The following MKNK1 variants were observed in gnomAD, a reference collection of about 807,000 sequenced individuals.
MKNK1 encodes MAPK interacting serine/threonine kinase 1.
Under a neutral mutation model 49.3 loss-of-function variants are expected in MKNK1, and 30 were observed. The ratio of observed to expected loss-of-function variants is 0.61; its 90% CI spans 0.46 to 0.83. The LOEUF (loss-of-function observed/expected upper bound fraction) is 0.83, where lower values mean the gene tolerates loss of function less well. MKNK1 is among the 40% of genes least tolerant of loss of function. MKNK1 has a pLI of 0.00. For missense variants in MKNK1, 423 were observed against 524.7 expected (o/e 0.81, Z 1.89); for synonymous variants, 176 against 201.7 (o/e 0.87, Z 1.08).
At position 46,580,334 on chromosome 1, in the gene MKNK1, CA is replaced by C. The variant is rs1209427154; in HGVS notation, c.198+195del. 3 of 574,846 alleles carry C rather than the reference CA, an allele frequency of 5.2e-6. No homozygotes were observed. The African/African-American group carries it at 5.6e-5, about 11-fold the overall frequency. 35.6% of individuals were successfully genotyped at this position (574,846 alleles called of 1,614,324 possible). A position where few individuals can be genotyped will look rare whatever the true frequency, so the allele number is the denominator to read the frequency against. ...AGGTTCTAGTATTATACCCATTTTA[CA>C]GATGAGAAAACTGAAGGACAGAGAA... On this transcript the variant is annotated intron_variant, in intron 4 of 12. Transcript: ENST00000371945.
chr1:46,590,305 T>C (rs1446876930), intron 2 of MKNK1, among the ~76,000 whole-genome samples: 1 of 152,062 alleles, frequency 6.6e-6, no homozygotes, highest in African/African-American at 2.4e-5. Context: ...CCCCAGAACA[T>C]TTACATCTTT....
chr1:46,559,289 T>A (rs1667512632), intron 12 of MKNK1, among the ~76,000 whole-genome samples: 1 of 152,212 alleles, frequency 6.6e-6, no homozygotes, highest in Admixed American at 6.5e-5. Context: ...TCTAAAGGCA[T>A]CTGGAGGCTG....
At chr1:46,602,971 T>G (rs1674944000) in intron 1 of MKNK1, among the ~76,000 whole-genome samples, 1 of 152,202 alleles carries the variant, frequency 6.6e-6, no homozygotes, top group Non-Finnish European at 1.5e-5. Flanking sequence ...CTTCGCTTCA[T>G]GCAATCTGAG....
chr1:46,587,205 T>G (rs1255524818), intron 2 of MKNK1, among the ~76,000 whole-genome samples: 10 of 152,198 alleles, frequency 6.6e-5, no homozygotes, highest in African/African-American at 2.4e-5. Flanking sequence ...TTCTTTTCAG[T>G]TTCAGGCAGA....
At chr1:46,590,254 T>C (rs1673149943) in intron 2 of MKNK1, among the ~76,000 whole-genome samples, 1 of 151,954 alleles carries the variant, frequency 6.6e-6, no homozygotes, top group African/African-American at 2.4e-5. Context: ...GACTAAGAAA[T>C]GTGACAGAGG....
chr1:46,584,601 G>A (rs561687568), intron 2 of MKNK1: 1 of 151,686 alleles, frequency 6.6e-6, no homozygotes, highest in African/African-American at 2.4e-5. Context: ...GGCGGCATAC[G>A]ACCAGAGAAA....
intron 2 of MKNK1, chr1:46,585,402 G>C: frequency 6.2e-6 from 1 of 160,936 alleles, no homozygotes; most frequent in Non-Finnish European, 1.4e-5. Context: ...TAAAACACAG[G>C]GTCACTCATC....
Position 46,559,909 on chromosome 1 carries a change from GA to G in MKNK1, c.1013+324del, listed in dbSNP as rs200537546. 6.1e-3 allele frequency: 2,693 copies of G among 441,752 alleles called. 52 individuals carry two copies. The highest frequency in any genetic ancestry group is 0.034 in the Admixed American group (994 of 29,034). The allele number at this position is 441,752 out of a possible 1,614,324, so 27.4% of individuals were successfully genotyped here. Reference sequence around the variant, plus strand: ...CTTTCATTAAATACAAGGGCAGAGGGAAGCCTTGTGTGAATAACCCATGGGT... The same window carrying G: ...CTTTCATTAAATACAAGGGCAGAGGGAGCCTTGTGTGAATAACCCATGGGT... On this transcript the variant is annotated intron_variant, in intron 12 of 12. Coordinates refer to ENST00000371945, the MANE Select transcript of MKNK1 (RefSeq NM_001135553.4).
At chr1:46,600,389 C>T (rs1674583621) in intron 1 of MKNK1, among the ~76,000 whole-genome samples, 1 of 152,246 alleles carries the variant, frequency 6.6e-6, no homozygotes, top group African/African-American at 2.4e-5. Context: ...CCATCCTATA[C>T]TGGGAATCTT....
chr1:46,572,363 C>T, intron 6 of MKNK1, 196 bp from the exon 7 acceptor site: 2 of 430,198 alleles, frequency 4.6e-6, no homozygotes, highest in Non-Finnish European at 8.6e-6. Context: ...CAGGCAGGCA[C>T]CACCATGTCC....
chr1:46,570,261 G>A (rs950248778), intron 7 of MKNK1: 1 of 152,164 alleles, frequency 6.6e-6, no homozygotes, highest in Non-Finnish European at 1.5e-5. Context: ...CCCCCTCCAA[G>A]GTGTGGATCT....
At chr1:46,562,327 C>T (rs1232739166) in intron 10 of MKNK1, among the ~76,000 whole-genome samples, 1 of 137,436 alleles carries the variant, frequency 7.3e-6, no homozygotes, top group Non-Finnish European at 1.5e-5. Flanking sequence ...ACCCAGGAGG[C>T]AGAGGTTGCA....
intron 6 of MKNK1, among the ~76,000 whole-genome samples, chr1:46,573,208 A>G (rs1410653904): frequency 1.3e-5 from 2 of 152,236 alleles, no homozygotes. Flanking sequence ...GGCGTCAGTC[A>G]GGCCTCCGAG....
rs1310575541 is a variant in MKNK1, at chr1:46,562,797, G to A, written c.656C>T (p.Thr219Met). The A allele has an allele frequency of 4.3e-6, 7 of 1,612,582 alleles. No homozygotes were observed. Among genetic ancestry groups the A allele is most frequent in the East Asian group, 2.2e-5 (1 of 44,852 alleles). The part of the protein sequence containing the change: ...YMAPEVVEVF[T>M]DQATFYDKRC... ...CTTGTCGTAGAATGTGGCCTGGTCC[G>A]TGAAGACCTCCACTACCTCAGGGGC... The change falls in exon 10 of 13, where the codon ACG (threonine) becomes ATG (methionine). Residue 219 changes from threonine to methionine, a missense_variant. By Grantham distance (81) the Thr-to-Met change is moderately conservative. Transcript: ENST00000371945.
chr1:46,574,721 T>A, intron 6 of MKNK1: 1 of 520,974 alleles, frequency 1.9e-6, no homozygotes, highest in Non-Finnish European at 3.4e-6. Context: ...CCTATTATAA[T>A]GAAAAGGCAT....
intron 12 of MKNK1, 63 bp downstream of exon 12, chr1:46,560,171 C>A: frequency 6.3e-7 from 1 of 1,590,518 alleles, no homozygotes; most frequent in South Asian, 1.1e-5. Context: ...CCCCCGGCCC[C>A]CACCCCCATG....
chr1:46,599,975 A>C (rs2148779968), intron 1 of MKNK1, among the ~76,000 whole-genome samples: 2 of 151,580 alleles, frequency 1.3e-5, no homozygotes, highest in Middle Eastern at 6.8e-3. Context: ...TCTCCTCACC[A>C]ACTCCTCTCC....
chr1:46,580,203 A>C (rs942140211), intron 4 of MKNK1, among the ~76,000 whole-genome samples: 13 of 152,250 alleles, frequency 8.5e-5, no homozygotes, highest in African/African-American at 2.7e-4. Context: ...CCACTCCCTG[A>C]AGCTGACTTC....
intron 6 of MKNK1, 139 bp from the exon 7 acceptor site, chr1:46,572,306 G>A (rs1295670459): frequency 1.5e-5 from 9 of 589,416 alleles, no homozygotes; most frequent in South Asian, 3.9e-5. Flanking sequence ...CTCCGCCTCC[G>A]GGTTCAAGCG....
Sources: allele counts gnomAD v4.1 joint callset (sites outside exome capture counted in the v4.1 genomes callset), GRCh38; gene constraint gnomAD v4.1.1; transcripts MANE v1.5; gene names NCBI Gene and HGNC (gene_info 2026-07-23, HGNC 2026-07-21).